PLOD1: variants seen among roughly 807,000 people sequenced by gnomAD.
PLOD1 encodes the protein procollagen-lysine,2-oxoglutarate 5-dioxygenase 1, also known as lysine hydroxylase.
PLOD1 carries 70 observed loss-of-function variants against 94.7 expected under a neutral mutation model. That is an observed-to-expected ratio of 0.74 (90% CI 0.61 to 0.90). PLOD1 has a LOEUF of 0.90. Ranked by LOEUF, PLOD1 falls within the 40% of genes least tolerant of loss-of-function variation. PLOD1 has a pLI of 0.00. For synonymous variants in PLOD1, 417 were observed against 400.2 expected, an observed-to-expected ratio of 1.04 and a Z score of -0.50; for missense variants, 905 against 972.7, an observed-to-expected ratio of 0.93 and a Z score of 0.93.
intron 6 of PLOD1, 124 bp from the exon 7 acceptor site, chr1:11,956,793 A>G: frequency 1.3e-6 from 1 of 755,536 alleles, no homozygotes; most frequent in South Asian, 1.4e-5. Flanking sequence ...AGGCTTAGAG[A>G]GAAGTGACTT....
At chr1:11,969,998 T>C (rs1645849482) in intron 16 of PLOD1, among the ~76,000 whole-genome samples, 1 of 150,456 alleles carries the variant, frequency 6.6e-6, no homozygotes, top group African/African-American at 2.5e-5. Flanking sequence ...CCCAGCACTT[T>C]GGGAGGCCGA....
chr1:11,971,173 G>A (rs1425039196), intron 17 of PLOD1, among the ~76,000 whole-genome samples: 8 of 106,830 alleles, frequency 7.5e-5, no homozygotes, highest in African/African-American at 3.0e-4. Flanking sequence ...TTGGTGGGGA[G>A]GTCGAGGCCA....
chr1:11,934,854 G>A lies in PLOD1; in HGVS notation c.75G>A (p.Glu25=). ...AAGCGAAGGGCGACGCCAAGCCGGA[G>A]GGTGAGGGAGCGAAGGCCGGGGGCG... ...LAEAKGDAKP[E]DNLLVLTVAT... is the part of the protein sequence containing the mutation. The change falls in exon 1 of 19, where the codon GAG becomes GAA. Residue 25 remains glutamate, a splice_region_variant and synonymous_variant. Transcript: ENST00000196061. The A allele has an allele frequency of 2.6e-6, 4 of 1,537,848 alleles. No individual in the cohort carries two copies. Among genetic ancestry groups the A allele is most frequent in the South Asian group, 1.2e-5 (1 of 83,434 alleles).
At chr1:11,960,547 G>T in intron 9 of PLOD1, 99 bp from the exon 10 acceptor site, 1 of 885,928 alleles carries the variant, frequency 1.1e-6, no homozygotes, top group African/African-American at 1.6e-5. Context: ...CAGAGATGAA[G>T]GGGCACAGCC....
At chr1:11,966,175 T>G in intron 14 of PLOD1, 76 bp from the exon 15 acceptor site, 5 of 1,066,270 alleles carry the variant, frequency 4.7e-6, no homozygotes, top group African/African-American at 1.6e-5. Flanking sequence ...CACTCCCACT[T>G]TGAGGGGTCT....
intron 16 of PLOD1, among the ~76,000 whole-genome samples, chr1:11,967,479 G>A: frequency 6.6e-6 from 1 of 150,916 alleles, no homozygotes; most frequent in Non-Finnish European, 1.5e-5. Context: ...GACAGCAGGA[G>A]CAGGTGGCCT....
chr1:11,972,655 T>A lies in PLOD1; in HGVS notation c.1903-217T>A. Reference sequence around the variant, plus strand: ...TCTTCCTTCCCCTCTGTTCTCTTCCTTCCCTCCCTCTCTCCCCTCTGTCCA... The same window carrying A: ...TCTTCCTTCCCCTCTGTTCTCTTCCATCCCTCCCTCTCTCCCCTCTGTCCA... On this transcript the variant is annotated intron_variant, in intron 17 of 18. Transcript: ENST00000196061. This position sits in a 1 kb window ranked among gnomAD's most constrained non-coding sequence, Gnocchi z 4.6. 6.6e-6 allele frequency: 3 copies of A among 456,764 alleles called. No homozygotes were observed. Among genetic ancestry groups the A allele is most frequent in the Non-Finnish European group, 8.3e-6 (2 of 241,238 alleles). 28.3% of individuals were successfully genotyped at this position (456,764 alleles called of 1,614,324 possible).
At chr1:11,967,597 G>GTATGTATATATATATATATATATATATA in intron 16 of PLOD1, among the ~76,000 whole-genome samples, 1 of 59,786 alleles carries the variant, frequency 1.7e-5, no homozygotes, top group African/African-American at 6.7e-5. Context: ...GTGTGTGTGT[G>GTATGTATATATATATATATATATATATA]TATATATATA....
At chr1:11,967,357 T>C (rs887911231) in intron 16 of PLOD1, among the ~76,000 whole-genome samples, 1 of 151,780 alleles carries the variant, frequency 6.6e-6, no homozygotes, top group Non-Finnish European at 1.5e-5. Context: ...CCTGGTTTGC[T>C]ATTGGAATGG....
chr1:11,959,651 T>C (rs1645764285), intron 9 of PLOD1, among the ~76,000 whole-genome samples: 1 of 148,648 alleles, frequency 6.7e-6, no homozygotes, highest in South Asian at 2.1e-4. Context: ...GGAGTCTTGC[T>C]CTGTTGCCCA....
chr1:11,972,218 CTCTCTCTCTCTTTCTT>C lies in PLOD1; in HGVS notation c.1903-638_1903-623del, dbSNP rs1645870604. The C allele has an allele frequency of 6.6e-6, 1 of 151,760 alleles. No homozygotes were observed. The highest frequency in any genetic ancestry group is 2.5e-5 in the African/African-American group (1 of 40,618). 9.4% of individuals were successfully genotyped at this position (151,760 alleles called of 1,614,324 possible). On this transcript the variant is annotated intron_variant, in intron 17 of 18. Transcript: ENST00000196061. The surrounding 1 kb of genome is among the most constrained non-coding windows in gnomAD (Gnocchi z 4.6). ...CCTTCCTTCCTTCCTTCCTCTCTCT[CTCTCTCTCTCTTTCTT>C]TCTCTCTCTCTTTCTCTTTCTCTGT... is the stretch of plus-strand genomic sequence containing the variant.
Position 11,963,625 on chromosome 1 carries a change from C to G in PLOD1, c.1191C>G (p.Ile397Met), listed in dbSNP as rs899107980. The change falls in exon 11 of 19, where the codon ATC becomes ATG. Residue 397 changes from isoleucine (I) to methionine (M), a missense_variant. Physicochemically the swap from Ile to Met is conservative, Grantham distance 10. Coordinates refer to ENST00000196061, the MANE Select transcript of PLOD1 (RefSeq NM_000302.4). This position sits in a 1 kb window ranked among gnomAD's most constrained non-coding sequence, Gnocchi z 4.3. ...AGCCCAACAGCCTGCGGCTGCTGAT[C>G]CAACAGAACAAGTGAGGCTGCTCCG... Reference protein sequence around the residue: ...LTEPNSLRLLIQQNKNVIAPL... With the variant: ...LTEPNSLRLLMQQNKNVIAPL... 4.4e-6 allele frequency: 7 copies of G among 1,593,164 alleles called. No individual in the cohort carries two copies. In the African/African-American group the frequency reaches 9.4e-5, roughly 21 times the overall value.
chr1:11,947,764 C>A (rs772933916), intron 1 of PLOD1, among the ~76,000 whole-genome samples: 8 of 152,184 alleles, frequency 5.3e-5, no homozygotes, highest in African/African-American at 1.9e-4. Flanking sequence ...CTATATCGGT[C>A]AGTTACTGGG....
At chr1:11,956,208 A>AC (rs1168562077) in intron 6 of PLOD1, among the ~76,000 whole-genome samples, 1 of 150,822 alleles carries the variant, frequency 6.6e-6, no homozygotes, top group Non-Finnish European at 1.5e-5. Context: ...ACATGGTGAA[A>AC]CCCCGTCTCT....
At chr1:11,938,761 A>G (rs1024496049) in intron 1 of PLOD1, among the ~76,000 whole-genome samples, 3 of 152,124 alleles carry the variant, frequency 2.0e-5, no homozygotes, top group Non-Finnish European at 2.9e-5. Context: ...CCCAAAACGC[A>G]TGGCCTTGGT....
intron 5 of PLOD1, among the ~76,000 whole-genome samples, chr1:11,953,149 T>C (rs959492973): frequency 6.6e-6 from 1 of 151,996 alleles, no homozygotes; most frequent in African/African-American, 2.4e-5. Flanking sequence ...TCTACCTCCC[T>C]GGTTCAAGCG....
At chr1:11,948,354 G>A (rs565023872) in intron 2 of PLOD1, among the ~76,000 whole-genome samples, 9 of 152,258 alleles carry the variant, frequency 5.9e-5, no homozygotes, top group African/African-American at 1.4e-4. Flanking sequence ...ACAGGGCCTC[G>A]GGATCAGCAT....
In PLOD1 at chr1:11,950,567, C is replaced by A. The variant is rs1271783109; in HGVS notation, c.466+47C>A. 3.2e-6 allele frequency: 5 copies of A among 1,580,546 alleles called. No individual in the cohort carries two copies. In the Admixed American group the frequency reaches 6.7e-5, roughly 21 times the overall value. On this transcript the variant is annotated intron_variant, in intron 4 of 18. Coordinates refer to ENST00000196061, the MANE Select transcript of PLOD1 (RefSeq NM_000302.4). ...CGCTTGGCCCAGCAGAGGGGTCCAT[C>A]TACTGCCTTTGTGGGGACCCCCCTT...
chr1:11,956,931 A>C lies in PLOD1; in HGVS notation c.658A>C (p.Lys220Gln). ...LDGALDEVVL[K>Q]FEMGHVRARN... ...CTGACCCCCAGATGAGGTCGTGCTCAAGTTTGAAATGGGCCATGTGAGAGC... is the reference window on the plus strand; with the variant it reads ...CTGACCCCCAGATGAGGTCGTGCTCCAGTTTGAAATGGGCCATGTGAGAGC... Residue 220 changes from lysine (K) to glutamine (Q), a missense_variant, in exon 7 of 19, where the codon AAG (lysine) becomes CAG (glutamine). Lys to Gln is a moderately conservative substitution (Grantham distance 53). Coordinates refer to ENST00000196061, the MANE Select transcript of PLOD1 (RefSeq NM_000302.4). 2 of 1,613,316 alleles carry C rather than the reference A, an allele frequency of 1.2e-6. No homozygotes were observed. Among genetic ancestry groups the C allele is most frequent in the Non-Finnish European group, 1.7e-6 (2 of 1,179,354 alleles).
Sources: allele counts gnomAD v4.1 joint callset (sites outside exome capture counted in the v4.1 genomes callset), GRCh38; gene constraint gnomAD v4.1.1; non-coding constraint Gnocchi (gnomAD v3.1); transcripts MANE v1.5; gene names NCBI Gene and HGNC (gene_info 2026-07-23, HGNC 2026-07-21).